Variants in KIRREL3 observed in about 807,000 individuals in gnomAD.
KIRREL3 encodes kirre like nephrin family adhesion molecule 3.
A neutral mutation model predicts 89.7 loss-of-function variants in KIRREL3; 36 were observed. That is an observed-to-expected ratio of 0.40 (90% CI 0.31 to 0.53). The LOEUF (loss-of-function observed/expected upper bound fraction) is 0.53, where lower values mean the gene tolerates loss of function less well. Among genes scored for constraint, KIRREL3 ranks in the 20% least tolerant of loss-of-function variants. KIRREL3 has a pLI of 0.49. For missense variants in KIRREL3, 864 were observed against 1,056.6 expected, an observed-to-expected ratio of 0.82 and a Z score of 2.53; for synonymous variants, 445 against 441.4, an observed-to-expected ratio of 1.01 and a Z score of -0.10.
Position 126,905,677 on chromosome 11 carries a change from G to A in KIRREL3, c.55+94778C>T, listed in dbSNP as rs547782679. Among the ~76,000 whole-genome samples the A allele has an allele frequency of 6.6e-6, 1 of 152,090 alleles. No individual in the cohort carries two copies. The highest frequency in any genetic ancestry group is 1.5e-5 in the Non-Finnish European group (1 of 68,014). ...ATGGCATGTCTCCATTCTCCAATCTGTCTGGCCATGAACCCTTAACAGAAC... is the reference window on the plus strand; with the variant it reads ...ATGGCATGTCTCCATTCTCCAATCTATCTGGCCATGAACCCTTAACAGAAC... On this transcript the variant is annotated intron_variant, in intron 1 of 16. Transcript: ENST00000525144. The surrounding 1 kb of genome is among the most constrained non-coding windows in gnomAD (Gnocchi z 5.0).
intron 4 of KIRREL3, among the ~76,000 whole-genome samples, chr11:126,517,130 GAGAGAA>G (rs763739925): frequency 3.3e-5 from 4 of 119,866 alleles, no homozygotes; most frequent in African/African-American, 1.0e-4. Context: ...GAGAGAGAGA[GAGAGAA>G]AGAGAGAGAG....
rs370757118 is a variant in KIRREL3 at position 126,424,962 on chromosome 11, A to G, written c.1955T>C (p.Ile652Thr). The G allele has an allele frequency of 6.3e-7, 1 of 1,588,320 alleles. No homozygotes were observed. The highest frequency in any genetic ancestry group is 1.7e-5 in the Admixed American group (1 of 58,618). ...GTCGGGCTGGCAGCTGGAGAGGGAG[A>G]TGGTCGGGGTTGAGTGGTGCTCTTT... ...TFKEHHSTPTISLSSCQPDLR... is the reference protein window; with the variant it reads ...TFKEHHSTPTTSLSSCQPDLR... Residue 652 changes from isoleucine to threonine, a missense_variant, in exon 17 of 17, where the codon ATC becomes ACC. Physicochemically the swap from Ile to Thr is moderately conservative, Grantham distance 89 (BLOSUM62 -1). Transcript: ENST00000525144.
At chr11:126,473,282 A>G in intron 5 of KIRREL3, 27 bp downstream of exon 5, 1 of 477,062 alleles carries the variant, frequency 2.1e-6, no homozygotes. Context: ...GCCCGTCCAC[A>G]CCCACCCCCT....
intron 1 of KIRREL3, among the ~76,000 whole-genome samples, chr11:126,827,745 C>A (rs983604027): frequency 6.6e-6 from 1 of 152,186 alleles, no homozygotes; most frequent in African/African-American, 2.4e-5. Flanking sequence ...CTTTGACTTG[C>A]ACCTGAGTAA....
chr11:126,905,239 G>A lies in KIRREL3; in HGVS notation c.55+95216C>T, dbSNP rs757946975. Among the ~76,000 whole-genome samples, 3 of 152,124 alleles carry A rather than the reference G, an allele frequency of 2.0e-5. No individual in the cohort carries two copies. Among genetic ancestry groups the A allele is most frequent in the Non-Finnish European group, 4.4e-5 (3 of 68,044 alleles). ...CAATAAGTCACCTTCCATGGCAAGGGGAGGGTGGGTGATATTTTTTAGTGA... is the reference window on the plus strand; with the variant it reads ...CAATAAGTCACCTTCCATGGCAAGGAGAGGGTGGGTGATATTTTTTAGTGA... On this transcript the variant is annotated intron_variant, in intron 1 of 16. Transcript: ENST00000525144. This position sits in a 1 kb window ranked among gnomAD's most constrained non-coding sequence, Gnocchi z 5.0.
At chr11:126,504,001 C>A (rs1957945498) in intron 4 of KIRREL3, among the ~76,000 whole-genome samples, 1 of 152,192 alleles carries the variant, frequency 6.6e-6, no homozygotes, top group Non-Finnish European at 1.5e-5. Flanking sequence ...TGAGCTAAGA[C>A]ATTGGTCTGG....
chr11:126,450,310 C>G (rs1283181177), intron 7 of KIRREL3, among the ~76,000 whole-genome samples: 1 of 127,114 alleles, frequency 7.9e-6, no homozygotes, highest in East Asian at 2.4e-4. Flanking sequence ...TGAGTGTGCC[C>G]ATGTGCACGT....
In KIRREL3 at chr11:126,970,833, G is replaced by C. The variant is rs1294670857; in HGVS notation, c.55+29622C>G. ...AATAAGTGATATCTAAGGACCCATA[G>C]AAACACTTGCAAATTAGGATCCAAT... On this transcript the variant is annotated intron_variant, in intron 1 of 16. Transcript: ENST00000525144. The surrounding 1 kb of genome is among the most constrained non-coding windows in gnomAD (Gnocchi z 4.4). Among the ~76,000 whole-genome samples, 1 of 152,080 alleles carries C rather than the reference G, an allele frequency of 6.6e-6. No individual in the cohort carries two copies. The highest frequency in any genetic ancestry group is 1.9e-4 in the East Asian group (1 of 5,188).
chr11:126,825,600 C>T (rs1258305763), intron 1 of KIRREL3, among the ~76,000 whole-genome samples: 1 of 152,158 alleles, frequency 6.6e-6, no homozygotes, highest in Non-Finnish European at 1.5e-5. Context: ...ACTGCTGTTA[C>T]CACTGGGTTT....
Position 126,526,475 on chromosome 11 carries a change from G to C in KIRREL3, c.283+63C>G, listed in dbSNP as rs191562981. 1.3e-4 allele frequency: 204 copies of C among 1,513,588 alleles called. 1 individual carries two copies. The East Asian group carries it at 2.7e-3, about 20-fold the overall frequency. 93.8% of individuals were successfully genotyped at this position (1,513,588 alleles called of 1,614,324 possible). On this transcript the variant is annotated intron_variant, in intron 3 of 16. Transcript: ENST00000525144. This position sits in a 1 kb window ranked among gnomAD's most constrained non-coding sequence, Gnocchi z 5.7. ...GTGAAGATGGGTGCTCCCTAGGAAGGTGGATGGGTGAGTAAGGAAGTGATG... is the reference window on the plus strand; with the variant it reads ...GTGAAGATGGGTGCTCCCTAGGAAGCTGGATGGGTGAGTAAGGAAGTGATG...
In KIRREL3 at chr11:126,991,116, T is replaced by C. The variant is rs1410747693; in HGVS notation, c.55+9339A>G. ...GGACGCGATGGTTTCCTGTTGAAGC[T>C]GAGCAGTGGGTGGCTTGGCAGAGGC... On this transcript the variant is annotated intron_variant, in intron 1 of 16. Coordinates refer to ENST00000525144, the MANE Select transcript of KIRREL3 (RefSeq NM_032531.4). This position sits in a 1 kb window ranked among gnomAD's most constrained non-coding sequence, Gnocchi z 5.8. 6.6e-6 allele frequency among the ~76,000 whole-genome samples: 1 copy of C among 152,204 alleles called. No individual in the cohort carries two copies. Among genetic ancestry groups the C allele is most frequent in the Non-Finnish European group, 1.5e-5 (1 of 68,030 alleles).
intron 1 of KIRREL3, among the ~76,000 whole-genome samples, chr11:126,923,131 C>G (rs1339844441): frequency 3.0e-5 from 1 of 32,862 alleles, no homozygotes; most frequent in Non-Finnish European, 5.6e-5. Flanking sequence ...TCCTTCTTCT[C>G]TTCTTCTTCT....
intron 1 of KIRREL3, among the ~76,000 whole-genome samples, chr11:126,672,273 A>G (rs374332345): frequency 2.2e-4 from 34 of 152,344 alleles, no homozygotes; most frequent in African/African-American, 7.9e-4. Flanking sequence ...GTGTGTATAT[A>G]AAGACCCTAA....
Position 126,463,313 on chromosome 11 carries a change from G to A in KIRREL3, c.592-6C>T. Reference sequence around the variant, plus strand: ...TTGCCGTCCCGAAGCAGGGTCTTGGGAGAAAGGGAAAGGGGAGAGAAAGCT... The same window carrying A: ...TTGCCGTCCCGAAGCAGGGTCTTGGAAGAAAGGGAAAGGGGAGAGAAAGCT... On this transcript the variant is annotated splice_region_variant and splice_polypyrimidine_tract_variant and intron_variant, in intron 5 of 16. Coordinates refer to ENST00000525144, the MANE Select transcript of KIRREL3 (RefSeq NM_032531.4). This position sits in a 1 kb window ranked among gnomAD's most constrained non-coding sequence, Gnocchi z 5.9. The A allele has an allele frequency of 6.2e-7, 1 of 1,611,910 alleles. No individual in the cohort carries two copies. Among genetic ancestry groups the A allele is most frequent in the South Asian group, 1.1e-5 (1 of 90,880 alleles).
At position 126,515,790 on chromosome 11, in the gene KIRREL3, C is replaced by T. The variant is rs1029701708; in HGVS notation, c.433+5525G>A. Among the ~76,000 whole-genome samples the T allele has an allele frequency of 4.6e-5, 7 of 152,278 alleles. No individual in the cohort carries two copies. The highest frequency in any genetic ancestry group is 1.4e-4 in the African/African-American group (6 of 41,554). ...GTTTTGTTCTGTGGGGACACTTTCTCGCCCCTGAAGAACCCCTCAGACTGT... is the reference window on the plus strand; with the variant it reads ...GTTTTGTTCTGTGGGGACACTTTCTTGCCCCTGAAGAACCCCTCAGACTGT... On this transcript the variant is annotated intron_variant, in intron 4 of 16. Transcript: ENST00000525144. The surrounding 1 kb of genome is among the most constrained non-coding windows in gnomAD (Gnocchi z 4.2).
At chr11:126,741,326 T>C (rs939257478) in intron 1 of KIRREL3, among the ~76,000 whole-genome samples, 1 of 152,210 alleles carries the variant, frequency 6.6e-6, no homozygotes, top group Non-Finnish European at 1.5e-5. Flanking sequence ...GTCTTTATGG[T>C]CTTTCAATTC....
chr11:126,523,597 TCCTGC>T lies in KIRREL3; in HGVS notation c.284-2138_284-2134del, dbSNP rs150949751. On this transcript the variant is annotated intron_variant, in intron 3 of 16. Transcript: ENST00000525144. This position sits in a 1 kb window ranked among gnomAD's most constrained non-coding sequence, Gnocchi z 4.9. ...GCACCCCTGAGAGCACTGCCTCTCC[TCCTGC>T]CCACACTTCCCGCCTTCTGCTGGGC... Among the ~76,000 whole-genome samples the T allele has an allele frequency of 0.27, 40,714 of 151,606 alleles. 6,558 individuals are homozygous for T. Among genetic ancestry groups the T allele is most frequent in the African/African-American group, 0.45 (18,476 of 41,190 alleles).
chr11:126,825,116 T>C (rs966528684), intron 1 of KIRREL3, among the ~76,000 whole-genome samples: 7 of 152,188 alleles, frequency 4.6e-5, no homozygotes, highest in African/African-American at 1.7e-4. Context: ...ATGATAAATA[T>C]GGGCTCCTGA....
At chr11:126,967,027 T>C (rs1949293022) in intron 1 of KIRREL3, among the ~76,000 whole-genome samples, 1 of 152,202 alleles carries the variant, frequency 6.6e-6, no homozygotes, top group Non-Finnish European at 1.5e-5. Flanking sequence ...TCCATCTACC[T>C]GCCTTCTCTG....
Sources: allele counts gnomAD v4.1 joint callset (sites outside exome capture counted in the v4.1 genomes callset), GRCh38; gene constraint gnomAD v4.1.1; non-coding constraint Gnocchi (gnomAD v3.1); transcripts MANE v1.5; gene names NCBI Gene and HGNC (gene_info 2026-07-23, HGNC 2026-07-21).